HEPH: variants seen among roughly 807,000 people sequenced by gnomAD.
The protein encoded by HEPH is hephaestin.
Under a neutral mutation model 80.8 loss-of-function variants are expected in HEPH, and 69 were observed. The observed-to-expected ratio is 0.85, with a 90% CI of 0.70 to 1.04. The LOEUF is 1.04. Among genes scored for constraint, HEPH ranks in the 50% least tolerant of loss-of-function variants. The probability of loss-of-function intolerance (pLI) is 0.00; values close to 1 mark genes in which losing one functional copy is unlikely to be tolerated. For synonymous variants in HEPH, 431 were observed against 322.8 expected (o/e 1.34, Z -3.60); for missense variants, 1,115 against 891.3 (o/e 1.25, Z -3.20).
chrX:66,219,320 G>T (rs1355144406), intron 15 of HEPH, among the ~76,000 whole-genome samples: 1 of 112,072 alleles, frequency 8.9e-6, no homozygotes, highest in Non-Finnish European at 1.9e-5. Context: ...ACGGGCACAT[G>T]TGCCAGTTTT....
intron 15 of HEPH, among the ~76,000 whole-genome samples, chrX:66,232,193 A>G (rs1039052850): frequency 9.0e-6 from 1 of 111,254 alleles, no homozygotes; most frequent in Admixed American, 9.6e-5. Flanking sequence ...TATTTTACTG[A>G]GGATTTTTGC....
intron 15 of HEPH, among the ~76,000 whole-genome samples, chrX:66,211,554 AT>A (rs939753783): frequency 1.4e-4 from 16 of 110,822 alleles, no homozygotes; most frequent in African/African-American, 5.2e-4. Context: ...ATATGATCAA[AT>A]TTTTTAGCTC....
intron 15 of HEPH, among the ~76,000 whole-genome samples, chrX:66,235,296 C>T (rs183790633): frequency 9.0e-6 from 1 of 111,505 alleles, no homozygotes; most frequent in East Asian, 2.8e-4. Context: ...GATGGTATTG[C>T]CTAAGTTTTC....
In HEPH at chrX:66,195,081, T is replaced by C; in HGVS notation, c.1370-17T>C. ...TCCCTTTCATCATTCTCATTGTCTC[T>C]CCTTCCCATTTTCCAGGGCCAGTGA... is the stretch of plus-strand genomic sequence containing the variant. On this transcript the variant is annotated splice_polypyrimidine_tract_variant and intron_variant, in intron 8 of 20. Transcript: ENST00000343002. 8.5e-7 allele frequency: 1 copy of C among 1,174,887 alleles called. No homozygotes were observed. The highest frequency in any genetic ancestry group is 2.0e-5 in the South Asian group (1 of 49,603).
rs565021990 is a variant in HEPH at position 66,186,969 on chromosome X, C to A, written c.626-1390C>A. Reference sequence around the variant, plus strand: ...TTGTTGGATTGGGTTAATTTGAAGACCTTGTCTTCAGACTCTGAATTTTTT... The same window carrying A: ...TTGTTGGATTGGGTTAATTTGAAGAACTTGTCTTCAGACTCTGAATTTTTT... On this transcript the variant is annotated intron_variant, in intron 4 of 20. Transcript: ENST00000343002. 3.0e-4 allele frequency among the ~76,000 whole-genome samples: 33 copies of A among 110,573 alleles called. No individual in the cohort carries two copies. In the South Asian group the frequency reaches 5.0e-3, roughly 17 times the overall value.
chrX:66,203,691 C>A, intron 13 of HEPH, 114 bp downstream of exon 13: 1 of 607,756 alleles, frequency 1.6e-6, no homozygotes, highest in Non-Finnish European at 2.6e-6. Flanking sequence ...GTGATACCAA[C>A]AGATTTGGGA....
At chrX:66,202,651 A>G (rs959481807) in intron 12 of HEPH, among the ~76,000 whole-genome samples, 1 of 110,342 alleles carries the variant, frequency 9.1e-6, no homozygotes, top group African/African-American at 3.3e-5. Context: ...TTACCTAACT[A>G]TTGAAGTCTA....
At chrX:66,254,290 G>A (rs992985021) in intron 15 of HEPH, among the ~76,000 whole-genome samples, 6 of 110,729 alleles carry the variant, frequency 5.4e-5, no homozygotes, top group African/African-American at 2.0e-4. Context: ...ATAGGGTAGA[G>A]GTATAATCAA....
chrX:66,207,868 A>G (rs1485104322), intron 14 of HEPH, among the ~76,000 whole-genome samples: 1 of 110,880 alleles, frequency 9.0e-6, no homozygotes, highest in East Asian at 2.8e-4. Flanking sequence ...TAGGGGTGGG[A>G]AAAGTGGAGG....
At position 66,192,556 on chromosome X, in the gene HEPH, A is replaced by G. The variant is rs920904656; in HGVS notation, c.1232+258A>G. On this transcript the variant is annotated intron_variant, in intron 7 of 20. Coordinates refer to ENST00000343002, the MANE Select transcript of HEPH (RefSeq NM_001367233.3). The stretch of plus-strand genomic sequence containing the variant: ...CCAAACAGAGTTTGAAGTTGGTCCT[A>G]CTATAATTCCTGGCCATTTTCATAA... Among the ~76,000 whole-genome samples, 6 of 111,509 alleles carry G rather than the reference A, an allele frequency of 5.4e-5. No homozygotes were observed. The Admixed American group carries it at 5.7e-4, about 11-fold the overall frequency.
chrX:66,254,028 A>G (rs779530618), intron 15 of HEPH, among the ~76,000 whole-genome samples: 1 of 111,282 alleles, frequency 9.0e-6, no homozygotes, highest in Non-Finnish European at 1.9e-5. Context: ...GTGGTTACAA[A>G]GTTCTGGTAA....
chrX:66,166,922 C>T (rs1483718534), intron 1 of HEPH, among the ~76,000 whole-genome samples: 2 of 112,032 alleles, frequency 1.8e-5, no homozygotes, highest in African/African-American at 6.5e-5. Flanking sequence ...ATCTTTATGG[C>T]CCTGGCAAGT....
intron 15 of HEPH, among the ~76,000 whole-genome samples, chrX:66,214,592 G>T (rs376054285): frequency 8.1e-5 from 9 of 111,349 alleles, no homozygotes; most frequent in African/African-American, 2.9e-4. Context: ...TCACAAAGAC[G>T]TTCTGCTGCA....
chrX:66,247,606 G>A lies in HEPH; in HGVS notation c.2564-7429G>A, dbSNP rs755785861. Reference sequence around the variant, plus strand: ...TTTATTTATGTTTTCAGTTCTTTAAGCATACTTAAGCAGCTGTTATAAGTA... The same window carrying A: ...TTTATTTATGTTTTCAGTTCTTTAAACATACTTAAGCAGCTGTTATAAGTA... On this transcript the variant is annotated intron_variant, in intron 15 of 20. Coordinates refer to ENST00000343002, the MANE Select transcript of HEPH (RefSeq NM_001367233.3). Among the ~76,000 whole-genome samples, 34 of 110,784 alleles carry A rather than the reference G, an allele frequency of 3.1e-4. No individual in the cohort carries two copies. In the Admixed American group the frequency reaches 3.2e-3, roughly 10 times the overall value.
At chrX:66,202,886 G>A (rs1199707138) in intron 12 of HEPH, among the ~76,000 whole-genome samples, 1 of 98,336 alleles carries the variant, frequency 1.0e-5, no homozygotes, top group Non-Finnish European at 2.0e-5. Context: ...CAGAGGTTTA[G>A]CAATTGCCAC....
At chrX:66,198,837 AT>A in intron 10 of HEPH, 40 bp from the exon 11 acceptor site, 1 of 1,041,209 alleles carries the variant, frequency 9.6e-7, no homozygotes, top group East Asian at 3.0e-5. Context: ...TGCTGAAACT[AT>A]TGTCATTATT....
At chrX:66,192,741 A>T (rs1602278586) in intron 7 of HEPH, among the ~76,000 whole-genome samples, 1 of 111,937 alleles carries the variant, frequency 8.9e-6, no homozygotes, top group African/African-American at 3.2e-5. Flanking sequence ...TGAGAAATGT[A>T]GGAAGAGAGG....
chrX:66,229,854 C>A (rs1287535136), intron 15 of HEPH, among the ~76,000 whole-genome samples: 1 of 108,902 alleles, frequency 9.2e-6, no homozygotes, highest in Non-Finnish European at 1.9e-5. Context: ...ATACATGTGC[C>A]ATGCTGGTGC....
Position 66,260,183 on chromosome X carries a change from G to T in HEPH, c.3120G>T (p.Gly1040=), listed in dbSNP as rs1308322583. 2 of 1,203,974 alleles carry T rather than the reference G, an allele frequency of 1.7e-6. No individual in the cohort carries two copies. Among genetic ancestry groups the T allele is most frequent in the Non-Finnish European group, 2.2e-6 (2 of 890,533 alleles). The change falls in exon 19 of 21, where the codon GGG becomes GGT. Residue 1040 remains glycine, a synonymous_variant. Transcript: ENST00000343002. Reference sequence around the variant, plus strand: ...TGGAGATGGTGGCCAGCAACCCTGGGACATGGCTGATGCACTGCCATGTGA... The same window carrying T: ...TGGAGATGGTGGCCAGCAACCCTGGTACATGGCTGATGCACTGCCATGTGA... ...EVVEMVASNP[G]TWLMHCHVTD...
Sources: allele counts gnomAD v4.1 joint callset (sites outside exome capture counted in the v4.1 genomes callset), GRCh38; gene constraint gnomAD v4.1.1; transcripts MANE v1.5; gene names NCBI Gene and HGNC (gene_info 2026-07-23, HGNC 2026-07-21).